PLIN3: variants seen among roughly 807,000 people sequenced by gnomAD.
The protein encoded by PLIN3 is perilipin-3.
Under a neutral mutation model 35.9 loss-of-function variants are expected in PLIN3, and 30 were observed. That is an observed-to-expected ratio of 0.84 (90% CI 0.62 to 1.13). The LOEUF (loss-of-function observed/expected upper bound fraction) is 1.13, where lower values mean the gene tolerates loss of function less well. PLIN3 is among the 50% of genes most tolerant of loss of function. The pLI, the probability that PLIN3 is intolerant of heterozygous loss-of-function variation, is 0.00. For synonymous variants in PLIN3, 261 were observed against 262.5 expected, an observed-to-expected ratio of 0.99 and a Z score of 0.06; for missense variants, 603 against 596.9, an observed-to-expected ratio of 1.01 and a Z score of -0.11.
At chr19:4,858,620 G>C (rs1484437652) in intron 4 of PLIN3, among the ~76,000 whole-genome samples, 1 of 151,102 alleles carries the variant, frequency 6.6e-6, no homozygotes, top group African/African-American at 2.4e-5. Flanking sequence ...CTGACCTTGT[G>C]ATCCGCCCAC....
chr19:4,859,986 G>A lies in PLIN3; in HGVS notation c.105C>T (p.Ile35=), dbSNP rs758566386. ...CGGACACCATGTCGCAGGTGGAGCT[G>A]ATCAGAGGCATGCTGGCCACACGGT... The part of the protein sequence containing the change: ...VVDRVASMPL[I]SSTCDMVSAA... Residue 35 remains isoleucine (I), a synonymous_variant, in exon 3 of 8, where the codon ATC becomes ATT. Coordinates refer to ENST00000221957, the MANE Select transcript of PLIN3 (RefSeq NM_005817.5). The A allele has an allele frequency of 5.6e-6, 9 of 1,613,992 alleles. No homozygotes were observed. In the African/African-American group the frequency reaches 1.2e-4, roughly 22 times the overall value.
intron 5 of PLIN3, among the ~76,000 whole-genome samples, chr19:4,848,445 GC>G (rs1208664194): frequency 6.6e-6 from 1 of 152,230 alleles, no homozygotes; most frequent in Non-Finnish European, 1.5e-5. Context: ...TCAAGCTATG[GC>G]CTGCAGGCCA....
chr19:4,862,080 A>G (rs1386457034), intron 1 of PLIN3, among the ~76,000 whole-genome samples: 3 of 151,108 alleles, frequency 2.0e-5, no homozygotes, highest in African/African-American at 7.3e-5. Context: ...CTAGGACTAT[A>G]GGCACACACC....
At chr19:4,867,340 C>T (rs888157664) in intron 1 of PLIN3, among the ~76,000 whole-genome samples, 3 of 152,170 alleles carry the variant, frequency 2.0e-5, no homozygotes, top group South Asian at 4.1e-4. Flanking sequence ...AGCCCACCCC[C>T]TTCAATATCA....
At chr19:4,848,880 T>A (rs756890450) in intron 5 of PLIN3, among the ~76,000 whole-genome samples, 1 of 151,910 alleles carries the variant, frequency 6.6e-6, no homozygotes, top group Non-Finnish European at 1.5e-5. Flanking sequence ...AAAAAGAGAA[T>A]AATGACATTT....
chr19:4,845,205 C>T (rs1430763124), intron 6 of PLIN3, among the ~76,000 whole-genome samples: 1 of 152,080 alleles, frequency 6.6e-6, no homozygotes, highest in African/African-American at 2.4e-5. Context: ...GTGGGTGGAT[C>T]ACCTGAGTTC....
intron 5 of PLIN3, 91 bp from the exon 6 acceptor site, chr19:4,847,981 GTTTA>G (rs1024360155): frequency 1.0e-4 from 94 of 903,538 alleles, no homozygotes; most frequent in Admixed American, 1.7e-4. Flanking sequence ...ACACTGTCCA[GTTTA>G]TTTATTTATT....
intron 1 of PLIN3, among the ~76,000 whole-genome samples, chr19:4,864,856 G>A (rs1350828900): frequency 6.6e-6 from 1 of 152,164 alleles, no homozygotes; most frequent in Non-Finnish European, 1.5e-5. Context: ...CCTGGAGCAA[G>A]GCGCCTTCCC....
At chr19:4,850,567 C>G (rs1282584246) in intron 5 of PLIN3, among the ~76,000 whole-genome samples, 1 of 150,322 alleles carries the variant, frequency 6.7e-6, no homozygotes, top group Non-Finnish European at 1.5e-5. Flanking sequence ...ACTACAGGCA[C>G]CCGCCACCAC....
chr19:4,841,906 A>G (rs1175866375), intron 7 of PLIN3, among the ~76,000 whole-genome samples: 1 of 70,234 alleles, frequency 1.4e-5, no homozygotes, highest in Non-Finnish European at 2.7e-5. Context: ...CTCCATCTCA[A>G]AAAAAAAAAA....
chr19:4,846,337 C>G (rs10425773), intron 6 of PLIN3, among the ~76,000 whole-genome samples: 128,362 of 148,640 alleles, frequency 0.86, 55,440 homozygotes, highest in Middle Eastern at 0.92. Context: ...AAAAAAAAAT[C>G]GTCATAAAGG....
At position 4,847,874 on chromosome 19, in the gene PLIN3, G is replaced by C. The variant is rs1275030341; in HGVS notation, c.651C>G (p.Ser217=). 9.3e-6 allele frequency: 15 copies of C among 1,613,686 alleles called. No homozygotes were observed. Among genetic ancestry groups the C allele is most frequent in the Non-Finnish European group, 1.2e-5 (14 of 1,179,832 alleles). ...CGGACGCGACGTCAAAGCCATCCAG[G>C]GATGTGGCGATGCGGGCTGCAAGGA... ...TDAELARIAT[S]LDGFDVASVQ... is the part of the protein sequence containing the mutation. The change falls in exon 6 of 8, where the codon TCC becomes TCG. Residue 217 remains serine (S), a synonymous_variant. Coordinates refer to ENST00000221957, the MANE Select transcript of PLIN3 (RefSeq NM_005817.5).
At chr19:4,864,464 TTTG>T (rs1485758935) in intron 1 of PLIN3, among the ~76,000 whole-genome samples, 3 of 146,294 alleles carry the variant, frequency 2.1e-5, no homozygotes, top group Admixed American at 6.9e-5. Context: ...TGTTTTTTTT[TTTG>T]TTGTTGTTGT....
At chr19:4,856,815 C>T (rs974590177) in intron 4 of PLIN3, among the ~76,000 whole-genome samples, 4 of 151,038 alleles carry the variant, frequency 2.6e-5, no homozygotes, top group African/African-American at 9.7e-5. Context: ...AAGTGATACT[C>T]GTGCCTCAGC....
intron 1 of PLIN3, among the ~76,000 whole-genome samples, chr19:4,862,171 G>A (rs1203181381): frequency 7.1e-6 from 1 of 140,194 alleles, no homozygotes; most frequent in Non-Finnish European, 1.5e-5. Flanking sequence ...TTGCTCTGTC[G>A]CCAGGCTGGA....
chr19:4,851,712 T>C (rs563631929), intron 5 of PLIN3, among the ~76,000 whole-genome samples: 1 of 151,794 alleles, frequency 6.6e-6, no homozygotes, highest in Non-Finnish European at 1.5e-5. Flanking sequence ...TGACGAGGAC[T>C]TGGGCTTTGA....
At chr19:4,840,261 C>T (rs1259091393) in intron 7 of PLIN3, among the ~76,000 whole-genome samples, 2 of 151,888 alleles carry the variant, frequency 1.3e-5, no homozygotes, top group Admixed American at 6.6e-5. Flanking sequence ...CCACCGCGCC[C>T]AGACTCTTTT....
intron 6 of PLIN3, among the ~76,000 whole-genome samples, chr19:4,846,480 C>T (rs895616590): frequency 9.2e-5 from 14 of 151,922 alleles, no homozygotes; most frequent in Admixed American, 9.2e-4. Flanking sequence ...GGGTGGATCA[C>T]TTGAGGTCAG....
At chr19:4,844,621 C>G (rs17363814) in intron 7 of PLIN3, 47 bp downstream of exon 7, 1 of 1,553,298 alleles carries the variant, frequency 6.4e-7, no homozygotes, top group Non-Finnish European at 8.7e-7. Flanking sequence ...AGAGTGGCAT[C>G]GGGACTCCAA....
Sources: allele counts gnomAD v4.1 joint callset (sites outside exome capture counted in the v4.1 genomes callset), GRCh38; gene constraint gnomAD v4.1.1; transcripts MANE v1.5; gene names NCBI Gene and HGNC (gene_info 2026-07-23, HGNC 2026-07-21).